The following IRF4 variants were observed in gnomAD, a reference collection of about 807,000 sequenced individuals.
IRF4 encodes interferon regulatory factor 4, also known as lymphocyte-specific interferon regulatory factor.
A neutral mutation model predicts 55.5 loss-of-function variants in IRF4; 13 were observed. That is an observed-to-expected ratio of 0.23 (90% confidence interval 0.15 to 0.37). The LOEUF (loss-of-function observed/expected upper bound fraction) is 0.37, where lower values mean the gene tolerates loss of function less well. Ranked by LOEUF, IRF4 falls within the 10% of genes least tolerant of loss-of-function variation. IRF4 has a pLI of 1.00. For missense variants in IRF4, 397 were observed against 593.8 expected (o/e 0.67, Z 3.44); for synonymous variants, 249 against 240.7 (o/e 1.03, Z -0.32).
chr6:406,497 G>A (rs760701498), intron 8 of IRF4, among the ~76,000 whole-genome samples: 8 of 151,924 alleles, frequency 5.3e-5, no homozygotes, highest in Non-Finnish European at 8.8e-5. Flanking sequence ...AGCCGAGATT[G>A]CACCACTGCA....
chr6:402,906 C>T (rs1202334057), intron 7 of IRF4, among the ~76,000 whole-genome samples: 2 of 152,234 alleles, frequency 1.3e-5, no homozygotes, highest in Non-Finnish European at 2.9e-5. Context: ...ATGGTGGGCG[C>T]CTGTAATCCC....
chr6:397,363 G>C, intron 5 of IRF4, 111 bp downstream of exon 5: 1 of 1,310,526 alleles, frequency 7.6e-7, no homozygotes. Flanking sequence ...CCCCTTCTTA[G>C]AGGCTGCGTG....
chr6:407,713 A>C lies in IRF4; in HGVS notation c.*115A>C. 3 of 961,160 alleles carry C rather than the reference A, an allele frequency of 3.1e-6. No individual in the cohort carries two copies. The highest frequency in any genetic ancestry group is 3.0e-6 in the Non-Finnish European group (2 of 657,612). 59.5% of individuals were successfully genotyped at this position (961,160 alleles called of 1,614,324 possible). On this transcript the variant is annotated 3_prime_UTR_variant, in exon 9 of 9. Transcript: ENST00000380956. ...GAGTGCAGTGACACAATCTCAGCTC[A>C]CTGTGACCTCCGCCTCCTGGGTTCA...
At chr6:398,052 T>A (rs151336152) in intron 5 of IRF4, among the ~76,000 whole-genome samples, 1 of 152,216 alleles carries the variant, frequency 6.6e-6, no homozygotes, top group Non-Finnish European at 1.5e-5. Flanking sequence ...TTGTACTGAG[T>A]GGCATGTTCA....
intron 8 of IRF4, 30 bp downstream of exon 8, chr6:405,160 T>C: frequency 8.3e-7 from 1 of 1,199,902 alleles, no homozygotes; most frequent in Non-Finnish European, 1.2e-6. Context: ...CCTACCATAG[T>C]GGCTTCCTGT....
intron 5 of IRF4, 64 bp from the exon 6 acceptor site, chr6:398,764 G>T: frequency 8.2e-7 from 1 of 1,218,620 alleles, no homozygotes; most frequent in Non-Finnish European, 1.2e-6. Context: ...ACACACCCCA[G>T]GAAGCCCCGC....
intron 7 of IRF4, among the ~76,000 whole-genome samples, chr6:404,631 T>C (rs1256880080): frequency 6.6e-6 from 1 of 152,270 alleles, no homozygotes; most frequent in Non-Finnish European, 1.5e-5. Context: ...TCTGATTTTT[T>C]AAATGAAAAC....
In IRF4 at chr6:393,016, C is replaced by T; in HGVS notation, c.-55-82C>T. 1.3e-6 allele frequency: 1 copy of T among 783,552 alleles called. No homozygotes were observed. The highest frequency in any genetic ancestry group is 2.9e-5 in the East Asian group (1 of 34,680). 48.5% of individuals were successfully genotyped at this position (783,552 alleles called of 1,614,324 possible). ...CGCAGCCTCAAAGACTCCGGGGCCT[C>T]GTGGTCACTGGCGCAGGGGATCGGG... is the stretch of plus-strand genomic sequence containing the variant. On this transcript the variant is annotated intron_variant, in intron 1 of 8. Transcript: ENST00000380956. This position sits in a 1 kb window ranked among gnomAD's most constrained non-coding sequence, Gnocchi z 5.4.
intron 7 of IRF4, 83 bp downstream of exon 7, chr6:401,860 C>A: frequency 7.8e-7 from 1 of 1,277,288 alleles, no homozygotes; most frequent in East Asian, 2.4e-5. Context: ...GTCCCTCCCA[C>A]CCCAGGCTGA....
rs1398092570 is a variant in IRF4, at chr6:411,008, A to C, written c.*3410A>C. 7 of 232,170 alleles carry C rather than the reference A, an allele frequency of 3.0e-5. No individual in the cohort carries two copies. The highest frequency in any genetic ancestry group is 6.0e-5 in the Non-Finnish European group (7 of 117,550). The allele number at this position is 232,170 out of a possible 1,614,324, so 14.4% of individuals were successfully genotyped here. The stretch of plus-strand genomic sequence containing the variant: ...GAAGTAAAGGTCAGTTTTTTTTTGT[A>C]TTGATTTTCACAGCTTTGAGGAACA... On this transcript the variant is annotated 3_prime_UTR_variant, in exon 9 of 9. Coordinates refer to ENST00000380956, the MANE Select transcript of IRF4 (RefSeq NM_002460.4).
Position 408,833 on chromosome 6 carries a change from G to C in IRF4, c.*1235G>C, listed in dbSNP as rs12211228. 0.12 allele frequency: 28,212 copies of C among 233,604 alleles called. 1,890 individuals are homozygous for C. Among genetic ancestry groups the C allele is most frequent in the South Asian group, 0.18 (974 of 5,528 alleles). 14.5% of individuals were successfully genotyped at this position (233,604 alleles called of 1,614,324 possible). The stretch of plus-strand genomic sequence containing the variant: ...CTGACTACGGAACTGCACACTCAGT[G>C]GGCTGTTTCTGCTTATTTCATCTGT... On this transcript the variant is annotated 3_prime_UTR_variant, in exon 9 of 9. Transcript: ENST00000380956.
At chr6:392,154 G>A (rs1761119694) in intron 1 of IRF4, among the ~76,000 whole-genome samples, 1 of 152,236 alleles carries the variant, frequency 6.6e-6, no homozygotes, top group Admixed American at 6.5e-5. Flanking sequence ...CACACAAGAC[G>A]GCACAACTGC....
chr6:405,183 C>A, intron 8 of IRF4, 53 bp downstream of exon 8: 1 of 969,772 alleles, frequency 1.0e-6, no homozygotes, highest in Non-Finnish European at 1.6e-6. Flanking sequence ...TTTGTAAAGG[C>A]CAGAGTTTCA....
In IRF4 at chr6:409,111, G is replaced by A. The variant is rs1761626430; in HGVS notation, c.*1513G>A. 1 of 216,518 alleles carries A rather than the reference G, an allele frequency of 4.6e-6. No individual in the cohort carries two copies. 13.4% of individuals were successfully genotyped at this position (216,518 alleles called of 1,614,324 possible). On this transcript the variant is annotated 3_prime_UTR_variant, in exon 9 of 9. Transcript: ENST00000380956. ...GCGTAGCTCTCAAATGTGTGTTCCTGCTTTTCTAATGGATATTTTAAATTC... is the reference window on the plus strand; with the variant it reads ...GCGTAGCTCTCAAATGTGTGTTCCTACTTTTCTAATGGATATTTTAAATTC...
Position 411,439 on chromosome 6 carries a change from T to C in IRF4, c.*3841T>C, listed in dbSNP as rs1477659081. 1 of 182,818 alleles carries C rather than the reference T, an allele frequency of 5.5e-6. No individual in the cohort carries two copies. The highest frequency in any genetic ancestry group is 2.4e-5 in the African/African-American group (1 of 42,538). The allele number at this position is 182,818 out of a possible 1,614,324, so 11.3% of individuals were successfully genotyped here. On this transcript the variant is annotated 3_prime_UTR_variant, in exon 9 of 9. Coordinates refer to ENST00000380956, the MANE Select transcript of IRF4 (RefSeq NM_002460.4). The stretch of plus-strand genomic sequence containing the variant: ...AGGTAAATAAAAACTTTTAAAAATT[T>C]GTTATGGAATGTGTGTGTGTGTTAT...
In IRF4 at chr6:409,021, T is replaced by A; in HGVS notation, c.*1423T>A. The stretch of plus-strand genomic sequence containing the variant: ...GAAAGTACAGCAGTAGACTGGGGCG[T>A]CACCTCCAGGCCGTTTCTCATACTA... On this transcript the variant is annotated 3_prime_UTR_variant, in exon 9 of 9. Transcript: ENST00000380956. 4.5e-6 allele frequency: 1 copy of A among 222,214 alleles called. No homozygotes were observed. Among genetic ancestry groups the A allele is most frequent in the Non-Finnish European group, 9.0e-6 (1 of 110,934 alleles). The allele number at this position is 222,214 out of a possible 1,614,324, so 13.8% of individuals were successfully genotyped here. A position where few individuals can be genotyped will look rare whatever the true frequency, so the allele number is the denominator to read the frequency against.
chr6:399,502 T>TA (rs11428766), intron 6 of IRF4, among the ~76,000 whole-genome samples: 130,146 of 144,412 alleles, frequency 0.9, 58,831 homozygotes, highest in Middle Eastern at 0.97. Flanking sequence ...GTTTTATTTC[T>TA]AAAAAAAAAA....
chr6:406,403 G>A (rs377633599), intron 8 of IRF4, among the ~76,000 whole-genome samples: 8 of 152,198 alleles, frequency 5.3e-5, no homozygotes, highest in East Asian at 1.9e-4. Context: ...TTAGCCGGGC[G>A]TGGTGGTGCG....
At position 393,426 on chromosome 6, in the gene IRF4, G is replaced by A. The variant is rs1431535131; in HGVS notation, c.216+58G>A. 6.3e-6 allele frequency: 8 copies of A among 1,278,464 alleles called. No individual in the cohort carries two copies. Among genetic ancestry groups the A allele is most frequent in the African/African-American group, 1.6e-5 (1 of 63,086 alleles). The allele number at this position is 1,278,464 out of a possible 1,614,324, so 79.2% of individuals were successfully genotyped here. ...CGGGGAGGGCCCAGAGACAGAGCCC[G>A]GGGTCCCCGGCGCCGCCTCCGAGGC... On this transcript the variant is annotated intron_variant, in intron 2 of 8. Coordinates refer to ENST00000380956, the MANE Select transcript of IRF4 (RefSeq NM_002460.4). This position sits in a 1 kb window ranked among gnomAD's most constrained non-coding sequence, Gnocchi z 5.4.
Sources: gnomAD v4.1 joint callset for allele counts (sites outside exome capture counted in the v4.1 genomes callset) on GRCh38, gnomAD v4.1.1 for gene constraint, Gnocchi (gnomAD v3.1) non-coding constraint, MANE v1.5 for transcripts, NCBI Gene and HGNC (gene_info 2026-07-23, HGNC 2026-07-21) for gene names.